NAV3: variants seen among roughly 807,000 people sequenced by gnomAD.
NAV3 encodes the protein neuron navigator 3.
A neutral mutation model predicts 244.7 loss-of-function variants in NAV3; 87 were observed. The ratio of observed to expected loss-of-function variants is 0.36; its 90% confidence interval spans 0.30 to 0.42. NAV3 has a LOEUF of 0.42. NAV3 is among the 20% of genes least tolerant of loss of function. The pLI, the probability that NAV3 is intolerant of heterozygous loss-of-function variation, is 1.00. For synonymous variants in NAV3, 1,126 were observed against 1,042.2 expected, an observed-to-expected ratio of 1.08 and a Z score of -1.55; for missense variants, 2,663 against 2,893.3, an observed-to-expected ratio of 0.92 and a Z score of 1.83.
intron 34 of NAV3, among the ~76,000 whole-genome samples, chr12:78,194,905 A>G (rs984659672): frequency 7.9e-5 from 12 of 152,072 alleles, no homozygotes; most frequent in African/African-American, 2.9e-4. Context: ...ACCACAGTAC[A>G]TTTTCCAGAC....
At chr12:78,197,773 A>T (rs1959200134) in intron 35 of NAV3, among the ~76,000 whole-genome samples, 1 of 151,894 alleles carries the variant, frequency 6.6e-6, no homozygotes, top group African/African-American at 2.4e-5. Context: ...TTATGGAAAC[A>T]TTACTTCCTT....
At chr12:77,655,830 A>C (rs7139042) in intron 2 of NAV3, among the ~76,000 whole-genome samples, 26,591 of 150,940 alleles carry the variant, frequency 0.18, 3,130 homozygotes, top group African/African-American at 0.33. Flanking sequence ...AGAATTTTCA[A>C]CCCAGAATTT....
chr12:77,849,016 T>C (rs1877072804), intron 1 of NAV3, among the ~76,000 whole-genome samples: 1 of 152,208 alleles, frequency 6.6e-6, no homozygotes, highest in South Asian at 2.1e-4. Flanking sequence ...AGTGATGTTT[T>C]CTTTTATTTT....
At chr12:77,939,527 A>T (rs1446497732) in intron 1 of NAV3, among the ~76,000 whole-genome samples, 2 of 152,194 alleles carry the variant, frequency 1.3e-5, no homozygotes, top group Non-Finnish European at 2.9e-5. Context: ...TGAAATCTTC[A>T]TGCTTATTTT....
intron 2 of NAV3, among the ~76,000 whole-genome samples, chr12:77,759,066 T>C (rs1364654097): frequency 6.6e-6 from 1 of 152,238 alleles, no homozygotes; most frequent in Non-Finnish European, 1.5e-5. Flanking sequence ...GCTGCCACAT[T>C]GGACAGCACA....
At chr12:77,619,610 C>T (rs1212045521) in intron 2 of NAV3, among the ~76,000 whole-genome samples, 2 of 152,170 alleles carry the variant, frequency 1.3e-5, no homozygotes, top group African/African-American at 4.8e-5. Flanking sequence ...CAGTCTGATT[C>T]ACACATGATG....
chr12:77,875,473 G>A (rs1881712920), intron 1 of NAV3, among the ~76,000 whole-genome samples: 1 of 151,902 alleles, frequency 6.6e-6, no homozygotes, highest in Non-Finnish European at 1.5e-5. Flanking sequence ...TAGAATATTA[G>A]TTCCGTGAGA....
chr12:78,140,314 ACTT>A lies in NAV3; in HGVS notation c.4669_4671del (p.Ser1557del). 1 of 1,613,442 alleles carries A rather than the reference ACTT, an allele frequency of 6.2e-7. No individual in the cohort carries two copies. The highest frequency in any genetic ancestry group is 1.3e-5 in the African/African-American group (1 of 75,012). On this transcript the variant is annotated inframe_deletion, in exon 20 of 40. Coordinates refer to ENST00000397909, the MANE Select transcript of NAV3 (RefSeq NM_001024383.2). ...CTCTTCATTATCACTGGTGTCCAGCACTTCTTCTCTTTACTCTACAGTAAGTAA... is the reference window on the plus strand; with the variant it reads ...CTCTTCATTATCACTGGTGTCCAGCACTTCTCTTTACTCTACAGTAAGTAA...
In NAV3 at chr12:77,657,079, G is replaced by A. The variant is rs1216800581; in HGVS notation, c.72+84813G>A. Among the ~76,000 whole-genome samples the A allele has an allele frequency of 3.3e-5, 5 of 152,270 alleles. No individual in the cohort carries two copies. In the East Asian group the frequency reaches 5.8e-4, roughly 18 times the overall value. Reference sequence around the variant, plus strand: ...AAAGCAAGAGCAAACACATTCAAAAGCTAGCAGGGGCAGAAATAACTAAAA... The same window carrying A: ...AAAGCAAGAGCAAACACATTCAAAAACTAGCAGGGGCAGAAATAACTAAAA... On this transcript the variant is annotated intron_variant, in intron 2 of 8. Transcript: ENST00000550042.
At chr12:77,826,767 G>A (rs986126335), upstream of NAV3, among the ~76,000 whole-genome samples, 2 of 152,196 alleles carry the variant, frequency 1.3e-5, no homozygotes, top group African/African-American at 4.8e-5. Flanking sequence ...GACATTGCCT[G>A]TGTTGAGAGT....
intron 8 of NAV3, among the ~76,000 whole-genome samples, chr12:78,014,203 C>T (rs1372501513): frequency 6.6e-6 from 1 of 152,056 alleles, no homozygotes; most frequent in Non-Finnish European, 1.5e-5. Context: ...TGAAATAATG[C>T]TTACCCAGAG....
At chr12:78,203,533 A>T (rs1020238822) in intron 38 of NAV3, among the ~76,000 whole-genome samples, 2 of 152,112 alleles carry the variant, frequency 1.3e-5, no homozygotes, top group Non-Finnish European at 2.9e-5. Context: ...CTTTTATTTT[A>T]GGTAAGTCCA....
chr12:78,014,606 A>T (rs1875862861), intron 8 of NAV3, among the ~76,000 whole-genome samples: 1 of 152,112 alleles, frequency 6.6e-6, no homozygotes, highest in South Asian at 2.1e-4. Flanking sequence ...TTTGCCTAGG[A>T]TGTGACAGGG....
At chr12:77,849,099 C>G (rs1045417236) in intron 1 of NAV3, among the ~76,000 whole-genome samples, 2 of 152,090 alleles carry the variant, frequency 1.3e-5, no homozygotes, top group African/African-American at 4.8e-5. Flanking sequence ...GGCAATCATT[C>G]AAGCTTCCCC....
At chr12:77,990,143 G>A (rs905496428) in intron 5 of NAV3, among the ~76,000 whole-genome samples, 1 of 80,470 alleles carries the variant, frequency 1.2e-5, no homozygotes, top group African/African-American at 7.3e-5. Context: ...TGCACAGAAA[G>A]CCAATCACTA....
intron 22 of NAV3, among the ~76,000 whole-genome samples, chr12:78,155,173 C>A (rs1957253083): frequency 6.6e-6 from 1 of 151,990 alleles, no homozygotes; most frequent in Non-Finnish European, 1.5e-5. Flanking sequence ...TTCTCTCCCT[C>A]CCCTAACTCC....
intron 2 of NAV3, among the ~76,000 whole-genome samples, chr12:77,762,025 A>G (rs11106599): frequency 1.3e-5 from 2 of 152,114 alleles, no homozygotes; most frequent in Non-Finnish European, 2.9e-5. Flanking sequence ...CTTGGAACCC[A>G]CCCAAATGCC....
chr12:78,081,290 T>C (rs2137827876), intron 12 of NAV3, among the ~76,000 whole-genome samples: 1 of 152,298 alleles, frequency 6.6e-6, no homozygotes, highest in Middle Eastern at 3.4e-3. Context: ...ACAGGCACTC[T>C]TATGCCTTTT....
At chr12:78,095,396 A>G (rs1016776275) in intron 12 of NAV3, among the ~76,000 whole-genome samples, 1 of 152,186 alleles carries the variant, frequency 6.6e-6, no homozygotes, top group Non-Finnish European at 1.5e-5. Context: ...AAGTGCAAAC[A>G]TATTTGTACA....
Sources: allele counts gnomAD v4.1 joint callset (sites outside exome capture counted in the v4.1 genomes callset), GRCh38; gene constraint gnomAD v4.1.1; transcripts MANE v1.5; gene names NCBI Gene and HGNC (gene_info 2026-07-23, HGNC 2026-07-21).